The following CFAP141 variants were observed in gnomAD, a reference collection of about 807,000 sequenced individuals.
The protein encoded by CFAP141 is cilia and flagella associated protein 141.
At chr1:154,201,390 CT>C in the CFAP141 span, among the ~76,000 whole-genome samples, 1,314 of 135,132 alleles carry the variant, frequency 9.7e-3, 12 homozygotes, top group Middle Eastern at 0.029. Flanking sequence ...TCAAATCCAG[CT>C]TTTTTTTTTT....
chr1:154,204,022 C>T, the CFAP141 span, among the ~76,000 whole-genome samples: 2 of 151,978 alleles, frequency 1.3e-5, no homozygotes, highest in South Asian at 2.1e-4. Context: ...ACCCAGGAGG[C>T]GGAGGTTGCA....
the CFAP141 span, chr1:154,199,360 G>A: frequency 1.9e-6 from 2 of 1,076,984 alleles, no homozygotes; most frequent in South Asian, 1.5e-5. Flanking sequence ...GGTTCAAGGT[G>A]GTAGAGGTTC....
the CFAP141 span, chr1:154,199,376 G>A: frequency 1.8e-5 from 23 of 1,272,838 alleles, no homozygotes; most frequent in Non-Finnish European, 2.5e-5. Flanking sequence ...GGTTCTAGAA[G>A]GCTAGGTTAG....
the CFAP141 span, among the ~76,000 whole-genome samples, chr1:154,202,166 G>A: frequency 6.6e-6 from 1 of 151,996 alleles, no homozygotes; most frequent in African/African-American, 2.4e-5. Context: ...TTGAACTCCT[G>A]ACCTCATGTA....
At chr1:154,199,314 G>T in the CFAP141 span, 1 of 687,256 alleles carries the variant, frequency 1.5e-6, no homozygotes, top group South Asian at 1.9e-5. Flanking sequence ...TTAAGTCCCT[G>T]ACAGATAGCA....
the CFAP141 span, among the ~76,000 whole-genome samples, chr1:154,202,694 G>A: frequency 1.3e-5 from 2 of 151,822 alleles, no homozygotes; most frequent in South Asian, 2.1e-4. Context: ...CCAGCTACTC[G>A]GGAGGCTGAG....
the CFAP141 span, among the ~76,000 whole-genome samples, chr1:154,202,356 G>GTGAGCCA: frequency 6.6e-6 from 1 of 152,152 alleles, no homozygotes; most frequent in Non-Finnish European, 1.5e-5. Flanking sequence ...GATTACAGGA[G>GTGAGCCA]TGAGCCACCA....
chr1:154,203,223 A>G, the CFAP141 span, among the ~76,000 whole-genome samples: 1 of 49,590 alleles, frequency 2.0e-5, no homozygotes, highest in East Asian at 1.1e-3. Flanking sequence ...ATATATATAT[A>G]TATATATATA....
chr1:154,203,405 G>GT, the CFAP141 span, among the ~76,000 whole-genome samples: 1 of 149,506 alleles, frequency 6.7e-6, no homozygotes, highest in African/African-American at 2.5e-5. Context: ...GATTATAGGC[G>GT]TGTGCCACCA....
At chr1:154,201,970 T>A in the CFAP141 span, among the ~76,000 whole-genome samples, 1 of 149,016 alleles carries the variant, frequency 6.7e-6, no homozygotes, top group Non-Finnish European at 1.5e-5. Context: ...AGAGTCTCAC[T>A]GTGTCAGCCA....
chr1:154,200,328 G>A, the CFAP141 span: 2 of 907,594 alleles, frequency 2.2e-6, no homozygotes, highest in Admixed American at 4.6e-5. Flanking sequence ...TGTTGCTCTG[G>A]TGTAATGCTG....
At chr1:154,201,335 A>G in the CFAP141 span, among the ~76,000 whole-genome samples, 4 of 149,588 alleles carry the variant, frequency 2.7e-5, no homozygotes, top group South Asian at 8.5e-4. Context: ...TAAGGAAACT[A>G]AAAGTTGTGA....
the CFAP141 span, among the ~76,000 whole-genome samples, chr1:154,202,439 C>T: frequency 6.6e-6 from 1 of 152,102 alleles, no homozygotes. Context: ...CATATATCTA[C>T]TGTTGGCATT....
chr1:154,205,696 G>T, the CFAP141 span: 1 of 1,487,338 alleles, frequency 6.7e-7, no homozygotes, highest in Non-Finnish European at 9.4e-7. Flanking sequence ...CTATTCTAAT[G>T]AGAGACATAG....
the CFAP141 span, among the ~76,000 whole-genome samples, chr1:154,202,820 T>A: frequency 7.1e-6 from 1 of 141,582 alleles, no homozygotes; most frequent in Non-Finnish European, 1.5e-5. Context: ...AAAAATACAT[T>A]AAGTGAAAAG....
At chr1:154,205,174 G>A in the CFAP141 span, among the ~76,000 whole-genome samples, 6 of 152,016 alleles carry the variant, frequency 3.9e-5, no homozygotes, top group Non-Finnish European at 7.4e-5. Context: ...GTGAGCCACC[G>A]CGCCCGGCTG....
the CFAP141 span, among the ~76,000 whole-genome samples, chr1:154,205,969 A>C: frequency 6.6e-6 from 1 of 151,978 alleles, no homozygotes; most frequent in Non-Finnish European, 1.5e-5. Flanking sequence ...TCCCAAAGTG[A>C]TAGGATTACA....
chr1:154,201,062 A>G, the CFAP141 span, among the ~76,000 whole-genome samples: 1 of 152,142 alleles, frequency 6.6e-6, no homozygotes, highest in Non-Finnish European at 1.5e-5. Flanking sequence ...TTTAGAACCT[A>G]GTATGTATTA....
At chr1:154,200,066 G>A in the CFAP141 span, among the ~76,000 whole-genome samples, 2 of 152,092 alleles carry the variant, frequency 1.3e-5, no homozygotes, top group Non-Finnish European at 2.9e-5. Flanking sequence ...GTAGAGAGGT[G>A]GTTTTGGCAT....
Sources: allele counts gnomAD v4.1 joint callset (sites outside exome capture counted in the v4.1 genomes callset), GRCh38; gene constraint gnomAD v4.1.1; transcripts MANE v1.5; gene names NCBI Gene and HGNC (gene_info 2026-07-23, HGNC 2026-07-21).